The following TRIM67 variants were observed in gnomAD, a reference collection of about 807,000 sequenced individuals.
The protein encoded by TRIM67 is tripartite motif containing 67.
Under a neutral mutation model 71.0 loss-of-function variants are expected in TRIM67, and 39 were observed. The ratio of observed to expected loss-of-function variants is 0.55; its 90% CI spans 0.43 to 0.72. The LOEUF (loss-of-function observed/expected upper bound fraction) is 0.72. Among genes scored for constraint, TRIM67 ranks in the 30% least tolerant of loss-of-function variants. The pLI is 0.00. For missense variants in TRIM67, 973 were observed against 1,079.2 expected, an observed-to-expected ratio of 0.90 and a Z score of 1.38; for synonymous variants, 481 against 473.9, an observed-to-expected ratio of 1.01 and a Z score of -0.19.
chr1:231,199,717 G>T (rs1683468388), intron 3 of TRIM67, among the ~76,000 whole-genome samples: 1 of 152,156 alleles, frequency 6.6e-6, no homozygotes. Flanking sequence ...TTTCATAACT[G>T]GACCAGAAAA....
intron 6 of TRIM67, among the ~76,000 whole-genome samples, 163 bp from the exon 7 acceptor site, chr1:231,206,489 G>T (rs1683701471): frequency 6.6e-6 from 1 of 152,110 alleles, no homozygotes; most frequent in Non-Finnish European, 1.5e-5. Context: ...CTGCAATGTT[G>T]TCCAGGCTGG....
In TRIM67 at chr1:231,174,864, CATAA is replaced by C. The variant is rs374053008; in HGVS notation, c.1044+10857_1044+10860del. The stretch of plus-strand genomic sequence containing the variant: ...ATGCCCTTTTTGAAACTAATAAATG[CATAA>C]ATAAACAAAATAAGTAGTCTACTTG... On this transcript the variant is annotated intron_variant, in intron 1 of 9. Transcript: ENST00000366653. Among the ~76,000 whole-genome samples the C allele has an allele frequency of 1.3e-4, 20 of 152,272 alleles. No individual in the cohort carries two copies. In the South Asian group the frequency reaches 4.1e-3, roughly 32 times the overall value.
In TRIM67 at chr1:231,213,868, A is replaced by C; in HGVS notation, c.2177A>C (p.Asn726Thr). The C allele has an allele frequency of 1.2e-6, 2 of 1,613,660 alleles. No homozygotes were observed. The highest frequency in any genetic ancestry group is 1.1e-5 in the South Asian group (1 of 91,058). Residue 726 changes from asparagine to threonine, a missense_variant, in exon 9 of 10, where the codon AAT (asparagine) becomes ACT (threonine). Transcript: ENST00000366653. ...GATVGVLLDLNKHTLTFFING... is the reference protein window; with the variant it reads ...GATVGVLLDLTKHTLTFFING... ...ACCGTGGGCGTGCTGCTGGACCTGAATAAGCACACTCTCACCTTCTTCATC... is the reference window on the plus strand; with the variant it reads ...ACCGTGGGCGTGCTGCTGGACCTGACTAAGCACACTCTCACCTTCTTCATC...
chr1:231,193,875 G>A (rs752971930), intron 1 of TRIM67, among the ~76,000 whole-genome samples: 5 of 152,088 alleles, frequency 3.3e-5, no homozygotes, highest in Admixed American at 3.3e-4. Flanking sequence ...AGGGGAGGAC[G>A]GTACCAAGAC....
intron 1 of TRIM67, among the ~76,000 whole-genome samples, chr1:231,169,141 C>T (rs1168448006): frequency 1.3e-5 from 2 of 152,186 alleles, no homozygotes; most frequent in Admixed American, 6.5e-5. Context: ...ACTGCAACCT[C>T]CGCCTCTGGG....
At position 231,218,209 on chromosome 1, in the gene TRIM67, G is replaced by T; in HGVS notation, c.*2769G>T. ...GTTTCAGAGTAGAAATGACAGACAGGTCATGGAATTCTCATCCACCATCGA... is the reference window on the plus strand; with the variant it reads ...GTTTCAGAGTAGAAATGACAGACAGTTCATGGAATTCTCATCCACCATCGA... On this transcript the variant is annotated 3_prime_UTR_variant, in exon 10 of 10. Transcript: ENST00000366653. The T allele has an allele frequency of 9.9e-7, 1 of 1,013,902 alleles. No individual in the cohort carries two copies. The allele number at this position is 1,013,902 out of a possible 1,614,324, so 62.8% of individuals were successfully genotyped here.
intron 9 of TRIM67, among the ~76,000 whole-genome samples, chr1:231,214,780 A>C (rs1287431472): frequency 7.6e-6 from 1 of 130,868 alleles, no homozygotes; most frequent in East Asian, 2.2e-4. Flanking sequence ...CTTCATCTCA[A>C]AAAAAAAAAA....
chr1:231,163,829 C>T lies in TRIM67; in HGVS notation c.860C>T (p.Ala287Val), dbSNP rs376673550. Reference protein sequence around the residue: ...GGGGCKSPGGAGAGATGGSTA... With the variant: ...GGGGCKSPGGVGAGATGGSTA... ...GGCGGCTGCAAGAGCCCGGGAGGCG[C>T]GGGGGCGGGGGCGACTGGGGGCAGC... The change falls in exon 1 of 10, where the codon GCG (alanine) becomes GTG (valine). Residue 287 changes from alanine (A) to valine (V), a missense_variant. Physicochemically the swap from Ala to Val is moderately conservative, Grantham distance 64. This residue lies in a region of TRIM67 where 795 missense variants were observed against 831.3 expected (regional missense o/e 0.96). Coordinates refer to ENST00000366653, the MANE Select transcript of TRIM67 (RefSeq NM_001004342.5). 6.6e-7 allele frequency: 1 copy of T among 1,520,558 alleles called. No individual in the cohort carries two copies. 94.2% of individuals were successfully genotyped at this position (1,520,558 alleles called of 1,614,324 possible).
At position 231,201,535 on chromosome 1, in the gene TRIM67, C is replaced by T. The variant is rs751077916; in HGVS notation, c.1534+18C>T. The T allele has an allele frequency of 4.3e-6, 7 of 1,610,620 alleles. No homozygotes were observed. Among genetic ancestry groups the T allele is most frequent in the Non-Finnish European group, 5.9e-6 (7 of 1,178,362 alleles). On this transcript the variant is annotated intron_variant, in intron 5 of 9. Coordinates refer to ENST00000366653, the MANE Select transcript of TRIM67 (RefSeq NM_001004342.5). The stretch of plus-strand genomic sequence containing the variant: ...ATGTAGGGGTGAGCCGCGGTTGGCC[C>T]CAGTTCAGTCAGTGCTTCTTTCAAA...
At position 231,215,599 on chromosome 1, in the gene TRIM67, G is replaced by A. The variant is rs1044139018; in HGVS notation, c.*159G>A. ...CATAGAAACACATTTTCTTGGGGACGCAGGGAATGGGTCCACGGGCCATGC... is the reference window on the plus strand; with the variant it reads ...CATAGAAACACATTTTCTTGGGGACACAGGGAATGGGTCCACGGGCCATGC... On this transcript the variant is annotated 3_prime_UTR_variant, in exon 10 of 10. Coordinates refer to ENST00000366653, the MANE Select transcript of TRIM67 (RefSeq NM_001004342.5). 2.9e-5 allele frequency: 41 copies of A among 1,413,024 alleles called. No homozygotes were observed. Among genetic ancestry groups the A allele is most frequent in the African/African-American group, 8.6e-5 (6 of 69,632 alleles). 87.5% of individuals were successfully genotyped at this position (1,413,024 alleles called of 1,614,324 possible).
chr1:231,213,762 C>T lies in TRIM67; in HGVS notation c.2124-53C>T, dbSNP rs994019233. On this transcript the variant is annotated intron_variant, in intron 8 of 9. Coordinates refer to ENST00000366653, the MANE Select transcript of TRIM67 (RefSeq NM_001004342.5). ...AGTAAATAATTCTCCTGAGTTATCA[C>T]CTACATCCCAGGCTGGGTGTGGTGA... 1.5e-5 allele frequency: 23 copies of T among 1,520,814 alleles called. No individual in the cohort carries two copies. The African/African-American group carries it at 2.8e-4, about 18-fold the overall frequency. 94.2% of individuals were successfully genotyped at this position (1,520,814 alleles called of 1,614,324 possible).
In TRIM67 at chr1:231,209,273, C is replaced by T; in HGVS notation, c.2123+23C>T. ...CAGGTGCGATTGGGCCCCATCCTGC[C>T]TCCCGTGGACACAGGTTGTTTGGGA... On this transcript the variant is annotated intron_variant, in intron 8 of 9. Coordinates refer to ENST00000366653, the MANE Select transcript of TRIM67 (RefSeq NM_001004342.5). This position sits in a 1 kb window ranked among gnomAD's most constrained non-coding sequence, Gnocchi z 4.1. 6.6e-7 allele frequency: 1 copy of T among 1,515,798 alleles called. No homozygotes were observed. The highest frequency in any genetic ancestry group is 8.9e-7 in the Non-Finnish European group (1 of 1,127,120). 93.9% of individuals were successfully genotyped at this position (1,515,798 alleles called of 1,614,324 possible).
At chr1:231,212,356 AG>A (rs375871850) in intron 8 of TRIM67, among the ~76,000 whole-genome samples, 151 of 152,314 alleles carry the variant, frequency 9.9e-4, no homozygotes, top group African/African-American at 3.4e-3. Context: ...TGTTGGTGTT[AG>A]TACCTTATCA....
rs771668376 is a variant in TRIM67, at chr1:231,209,060, G to C, written c.1933G>C (p.Ala645Pro). The C allele has an allele frequency of 3.1e-6, 5 of 1,613,936 alleles. No individual in the cohort carries two copies. Among genetic ancestry groups the C allele is most frequent in the Non-Finnish European group, 4.2e-6 (5 of 1,179,844 alleles). ...YDDRVVLGTA[A>P]FSKGVHYWEL... is the part of the protein sequence containing the mutation. ...CGACCGGGTGGTGCTGGGCACAGCT[G>C]CGTTCTCCAAGGGCGTGCACTACTG... Residue 645 changes from alanine to proline, a missense_variant, in exon 8 of 10, where the codon GCG becomes CCG. Around this residue, in one of 2 missense-constraint regions of TRIM67, gnomAD observed 178 missense variants for 247.9 expected, o/e 0.72. Transcript: ENST00000366653. The surrounding 1 kb of genome is among the most constrained non-coding windows in gnomAD (Gnocchi z 4.1).
intron 5 of TRIM67, among the ~76,000 whole-genome samples, chr1:231,202,291 AG>A (rs1683575763): frequency 1.4e-5 from 2 of 144,140 alleles, no homozygotes; most frequent in African/African-American, 2.7e-5. Context: ...AGGTGGAGGC[AG>A]TAGTGGTGGT....
Position 231,185,198 on chromosome 1 carries a change from C to G in TRIM67, c.1045-12173C>G, listed in dbSNP as rs932545234. The G allele has an allele frequency of 4.6e-6, 7 of 1,532,922 alleles. No individual in the cohort carries two copies. The African/African-American group carries it at 8.3e-5, about 18-fold the overall frequency. 95.0% of individuals were successfully genotyped at this position (1,532,922 alleles called of 1,614,324 possible). A position where few individuals can be genotyped will look rare whatever the true frequency, so the allele number is the denominator to read the frequency against. ...ACGGCGTCCATTCCTGCACCTTCCACCCTTCTCAGGATTCCCAGAGCCTTT... is the reference window on the plus strand; with the variant it reads ...ACGGCGTCCATTCCTGCACCTTCCAGCCTTCTCAGGATTCCCAGAGCCTTT... On this transcript the variant is annotated intron_variant, in intron 1 of 9. Transcript: ENST00000366653.
chr1:231,174,949 A>G (rs1028631156), intron 1 of TRIM67, among the ~76,000 whole-genome samples: 3 of 152,210 alleles, frequency 2.0e-5, no homozygotes, highest in Non-Finnish European at 4.4e-5. Flanking sequence ...ATAGTCCCCT[A>G]GTTGTGAGCA....
chr1:231,180,524 C>T (rs905676080), intron 1 of TRIM67, among the ~76,000 whole-genome samples: 6 of 152,154 alleles, frequency 3.9e-5, no homozygotes, highest in African/African-American at 1.4e-4. Context: ...AGATACTGTT[C>T]TACCCTAAGT....
chr1:231,217,246 T>C lies in TRIM67; in HGVS notation c.*1806T>C. 1.0e-6 allele frequency: 1 copy of C among 986,040 alleles called. No individual in the cohort carries two copies. Among genetic ancestry groups the C allele is most frequent in the Non-Finnish European group, 1.2e-6 (1 of 830,098 alleles). 61.1% of individuals were successfully genotyped at this position (986,040 alleles called of 1,614,324 possible). ...CGTCTCCAGGAGCTGCTCGGTGCTG[T>C]GTTGCAGTCTCTGCTGCGGAGCCTG... On this transcript the variant is annotated 3_prime_UTR_variant, in exon 10 of 10. Transcript: ENST00000366653.
Sources: allele counts gnomAD v4.1 joint callset (sites outside exome capture counted in the v4.1 genomes callset), GRCh38; gene constraint gnomAD v4.1.1; regional missense constraint gnomAD v4.1.1; non-coding constraint Gnocchi (gnomAD v3.1); transcripts MANE v1.5; gene names NCBI Gene and HGNC (gene_info 2026-07-23, HGNC 2026-07-21).